The following PUM1 variants were observed in gnomAD, a reference collection of about 807,000 sequenced individuals.
PUM1 encodes the protein pumilio RNA binding family member 1.
A neutral mutation model predicts 131.8 loss-of-function variants in PUM1; 13 were observed. The ratio of observed to expected loss-of-function variants is 0.10; its 90% CI spans 0.06 to 0.16. The LOEUF is 0.16. Ranked by LOEUF, PUM1 falls within the 10% of genes least tolerant of loss-of-function variation. PUM1 has a pLI of 1.00. For missense variants in PUM1, 961 were observed against 1,512.4 expected (o/e 0.64, Z 6.05); for synonymous variants, 509 against 556.5 (o/e 0.91, Z 1.20).
At chr1:31,000,238 T>C (rs937048302) in intron 5 of PUM1, among the ~76,000 whole-genome samples, 2 of 152,258 alleles carry the variant, frequency 1.3e-5, no homozygotes. Flanking sequence ...ACTGGAAAAG[T>C]CTATTAGCTA....
chr1:30,994,021 C>T (rs762465808), intron 6 of PUM1, among the ~76,000 whole-genome samples: 13 of 152,118 alleles, frequency 8.5e-5, no homozygotes, highest in Admixed American at 2.6e-4. Context: ...AGTGAGCTAA[C>T]TTCATGCCAC....
Position 30,967,245 on chromosome 1 carries a change from C to G in PUM1, c.1711G>C (p.Ala571Pro), listed in dbSNP as rs146424969. 2.5e-6 allele frequency: 4 copies of G among 1,613,944 alleles called. No individual in the cohort carries two copies. In the African/African-American group the frequency reaches 4.0e-5, roughly 16 times the overall value. Residue 571 changes from alanine (A) to proline (P), a missense_variant, in exon 12 of 22, where the codon GCG (alanine) becomes CCG (proline). Ala to Pro is a conservative substitution (Grantham distance 27). Coordinates refer to ENST00000426105, the MANE Select transcript of PUM1 (RefSeq NM_001020658.2). ...ACAGGAGCTCCAAGACCATTTCTCGCGCCTGCATTCACTACAAGGGCACCA... is the reference window on the plus strand; with the variant it reads ...ACAGGAGCTCCAAGACCATTTCTCGGGCCTGCATTCACTACAAGGGCACCA... The part of the protein sequence containing the change: ...QTGALVVNAG[A>P]RNGLGAPVRL...
chr1:31,058,499 A>C (rs1300625713), intron 2 of PUM1, among the ~76,000 whole-genome samples: 1 of 151,612 alleles, frequency 6.6e-6, no homozygotes, highest in Non-Finnish European at 1.5e-5. Flanking sequence ...TCTCTACCAA[A>C]AAAAATACAA....
intron 2 of PUM1, among the ~76,000 whole-genome samples, chr1:31,033,166 G>C (rs998604142): frequency 6.6e-6 from 1 of 151,606 alleles, no homozygotes; most frequent in African/African-American, 2.4e-5. Context: ...ATTGGTTATC[G>C]AGCCAAAAAA....
At chr1:30,958,293 G>C (rs772711377) in intron 14 of PUM1, among the ~76,000 whole-genome samples, 1 of 152,276 alleles carries the variant, frequency 6.6e-6, no homozygotes, top group East Asian at 1.9e-4. Flanking sequence ...ACTAAGTTTA[G>C]AACTAAATTG....
chr1:31,032,843 C>T lies in PUM1; in HGVS notation c.364-3979G>A, dbSNP rs146201578. ...AAAGTGGGCCAGGCGTGGTGACTCA[C>T]ACCTGTAATCCTAGCACTTTGGGAG... On this transcript the variant is annotated intron_variant, in intron 2 of 21. Transcript: ENST00000426105. 3.0e-3 allele frequency among the ~76,000 whole-genome samples: 454 copies of T among 152,190 alleles called. 2 individuals are homozygous for T. Among genetic ancestry groups the T allele is most frequent in the African/African-American group, 7.3e-3 (303 of 41,528 alleles).
In PUM1 at chr1:30,933,241, G is replaced by A. The variant is rs753349056; in HGVS notation, c.3537C>T (p.Pro1179=). The change falls in exon 22 of 22, where the codon CCC becomes CCT. Residue 1179 remains proline (P), a synonymous_variant. Transcript: ENST00000426105. The part of the protein sequence containing the change: ...YYMKNGVDLG[P]ICGPPNGII ...TGATACCATTAGGGGGGCCACAGAT[G>A]GGCCCTAAGTCAACACCGTTCTTCA... 6 of 1,613,482 alleles carry A rather than the reference G, an allele frequency of 3.7e-6. No homozygotes were observed. The South Asian group carries it at 5.5e-5, about 15-fold the overall frequency.
intron 18 of PUM1, among the ~76,000 whole-genome samples, chr1:30,942,347 C>G (rs1639490567): frequency 1.3e-5 from 2 of 150,706 alleles, no homozygotes; most frequent in South Asian, 4.2e-4. Context: ...TTTAGGAATT[C>G]ATAGATGTGC....
At chr1:30,991,553 AC>A in intron 7 of PUM1, among the ~76,000 whole-genome samples, 1 of 152,342 alleles carries the variant, frequency 6.6e-6, no homozygotes, top group Non-Finnish European at 1.5e-5. Flanking sequence ...TGAGATGCTA[AC>A]CTTTCAAACC....
intron 3 of PUM1, among the ~76,000 whole-genome samples, chr1:31,011,739 T>C (rs1377551479): frequency 6.6e-6 from 1 of 152,150 alleles, no homozygotes; most frequent in Non-Finnish European, 1.5e-5. Context: ...ATCCAACCTA[T>C]GAAAAGATAG....
chr1:31,032,120 C>T (rs574667636), intron 2 of PUM1, among the ~76,000 whole-genome samples: 11 of 152,300 alleles, frequency 7.2e-5, no homozygotes, highest in African/African-American at 2.4e-4. Flanking sequence ...AAACCAGTCA[C>T]CCACGTTGAC....
chr1:31,051,545 C>T (rs1644109545), intron 2 of PUM1, among the ~76,000 whole-genome samples: 1 of 151,958 alleles, frequency 6.6e-6, no homozygotes, highest in Admixed American at 6.6e-5. Context: ...TCAGGTGATC[C>T]GCCTGCCTTG....
chr1:31,038,984 A>ATTTTTTTTTTTTTTTTTTTTTTTTT (rs35507851), intron 2 of PUM1, among the ~76,000 whole-genome samples: 1 of 49,418 alleles, frequency 2.0e-5, no homozygotes, highest in South Asian at 8.2e-4. Flanking sequence ...ATATATATAT[A>ATTTTTTTTTTTTTTTTTTTTTTTTT]TTTTTTTTTT....
At chr1:31,018,006 G>A (rs1642884179) in intron 3 of PUM1, among the ~76,000 whole-genome samples, 1 of 152,158 alleles carries the variant, frequency 6.6e-6, no homozygotes, top group Admixed American at 6.5e-5. Flanking sequence ...GGACAAAATT[G>A]CTGCTGAGAG....
intron 1 of PUM1, among the ~76,000 whole-genome samples, 188 bp from the exon 2 acceptor site, chr1:31,059,765 C>T (rs1644326587): frequency 6.6e-6 from 1 of 152,066 alleles, no homozygotes; most frequent in South Asian, 2.1e-4. Flanking sequence ...TTAACCAACA[C>T]ATAGCAATAC....
chr1:31,035,853 A>G (rs189934857), intron 2 of PUM1, among the ~76,000 whole-genome samples: 6 of 152,334 alleles, frequency 3.9e-5, no homozygotes, highest in Admixed American at 3.9e-4. Context: ...AAAAAAACCA[A>G]AAAACCTCTT....
At chr1:31,064,508 T>C (rs1644437620) in intron 1 of PUM1, among the ~76,000 whole-genome samples, 1 of 152,056 alleles carries the variant, frequency 6.6e-6, no homozygotes, top group Non-Finnish European at 1.5e-5. Context: ...TAGTAAGTTT[T>C]TAGGTGCTTT....
At chr1:30,937,566 A>C (rs1448145898) in intron 20 of PUM1, among the ~76,000 whole-genome samples, 2 of 152,058 alleles carry the variant, frequency 1.3e-5, no homozygotes, top group African/African-American at 4.8e-5. Context: ...TACAGGCATG[A>C]GCCACCATGC....
intron 4 of PUM1, among the ~76,000 whole-genome samples, 160 bp downstream of exon 4, chr1:31,006,834 A>C (rs1335672986): frequency 1.3e-5 from 2 of 152,248 alleles, no homozygotes; most frequent in Non-Finnish European, 2.9e-5. Flanking sequence ...TGTTTTAATA[A>C]ATTACATCAT....
Sources: allele counts gnomAD v4.1 joint callset (sites outside exome capture counted in the v4.1 genomes callset), GRCh38; gene constraint gnomAD v4.1.1; transcripts MANE v1.5; gene names NCBI Gene and HGNC (gene_info 2026-07-23, HGNC 2026-07-21).